CLN5: variants seen among roughly 807,000 people sequenced by gnomAD.
CLN5 encodes the protein bis(monoacylglycero)phosphate synthase CLN5.
CLN5 carries 34 observed loss-of-function variants against 36.7 expected under a neutral mutation model. The ratio of observed to expected loss-of-function variants is 0.93; its 90% CI spans 0.71 to 1.23. The LOEUF is 1.23. Ranked by LOEUF, CLN5 falls within the 50% of genes most tolerant of loss-of-function variation. The probability of loss-of-function intolerance (pLI) is 0.00; values close to 1 mark genes in which losing one functional copy is unlikely to be tolerated. For synonymous variants in CLN5, 151 were observed against 155.1 expected (o/e 0.97, Z 0.20); for missense variants, 427 against 439.4 (o/e 0.97, Z 0.25).
rs1388510424 is a variant in CLN5, at chr13:76,995,796, G to A, written c.340-106G>A. ...AGCATGGAAGAACAGCTGAACAGTTGTTCTACTTGATATGCATTTGTGATG... is the reference window on the plus strand; with the variant it reads ...AGCATGGAAGAACAGCTGAACAGTTATTCTACTTGATATGCATTTGTGATG... On this transcript the variant is annotated intron_variant, in intron 2 of 3. Coordinates refer to ENST00000377453, the MANE Select transcript of CLN5 (RefSeq NM_006493.4). The A allele has an allele frequency of 6.0e-6, 5 of 839,946 alleles. No individual in the cohort carries two copies. In the African/African-American group the frequency reaches 6.7e-5, roughly 11 times the overall value. 52.0% of individuals were successfully genotyped at this position (839,946 alleles called of 1,614,324 possible).
rs1056821005 is a variant in CLN5 at position 77,001,422 on chromosome 13, A to C, written c.*453A>C. The stretch of plus-strand genomic sequence containing the variant: ...TTTAGACTAACTTTACAACTTCTAT[A>C]ACTTTTGGAACCAAGTTTAGTATAG... On this transcript the variant is annotated 3_prime_UTR_variant, in exon 4 of 4. Transcript: ENST00000377453. 2 of 158,468 alleles carry C rather than the reference A, an allele frequency of 1.3e-5. No individual in the cohort carries two copies. Among genetic ancestry groups the C allele is most frequent in the African/African-American group, 4.8e-5 (2 of 41,478 alleles). The allele number at this position is 158,468 out of a possible 1,614,324, so 9.8% of individuals were successfully genotyped here. A position where few individuals can be genotyped will look rare whatever the true frequency, so the allele number is the denominator to read the frequency against.
At position 77,000,483 on chromosome 13, in the gene CLN5, G is replaced by T. The variant is rs1402613512; in HGVS notation, c.591G>T (p.Lys197Asn). 1 of 1,613,156 alleles carries T rather than the reference G, an allele frequency of 6.2e-7. No individual in the cohort carries two copies. Among genetic ancestry groups the T allele is most frequent in the East Asian group, 2.2e-5 (1 of 44,850 alleles). Residue 197 changes from lysine to asparagine, a missense_variant, in exon 4 of 4, where the codon AAG (lysine) becomes AAT (asparagine). Coordinates refer to ENST00000377453, the MANE Select transcript of CLN5 (RefSeq NM_006493.4). ...GAAACATGTTCAACCAAATGGCAAAGTGGGTGAAACAGGACAATGAAACAG... is the reference window on the plus strand; with the variant it reads ...GAAACATGTTCAACCAAATGGCAAATTGGGTGAAACAGGACAATGAAACAG... ...ISGNMFNQMA[K>N]WVKQDNETGI...
In CLN5 at chr13:76,992,202, T is replaced by C. The variant is rs1428678260; in HGVS notation, c.104T>C (p.Leu35Pro). The C allele has an allele frequency of 1.2e-6, 2 of 1,603,146 alleles. No individual in the cohort carries two copies. Among genetic ancestry groups the C allele is most frequent in the Admixed American group, 1.7e-5 (1 of 59,470 alleles). The change falls in exon 1 of 4, where the codon CTC (leucine) becomes CCC (proline). Residue 35 changes from leucine (L) to proline (P), a missense_variant. Physicochemically the swap from Leu to Pro is moderately conservative, Grantham distance 98. Coordinates refer to ENST00000377453, the MANE Select transcript of CLN5 (RefSeq NM_006493.4). ...SWCWALALLW[L>P]AVVPGWSRVS... ...TGCTGGGCCCTGGCGCTGCTTTGGCTCGCGGTGGTTCCGGGCTGGTCCCGG... is the reference window on the plus strand; with the variant it reads ...TGCTGGGCCCTGGCGCTGCTTTGGCCCGCGGTGGTTCCGGGCTGGTCCCGG...
rs766858440 is a variant in CLN5 at position 76,992,190 on chromosome 13, C to A, written c.92C>A (p.Ala31Glu). The change falls in exon 1 of 4, where the codon GCG (alanine) becomes GAG (glutamate). Residue 31 changes from alanine to glutamate, a missense_variant. Coordinates refer to ENST00000377453, the MANE Select transcript of CLN5 (RefSeq NM_006493.4). Reference protein sequence around the residue: ...RGRASWCWALALLWLAVVPGW... With the variant: ...RGRASWCWALELLWLAVVPGW... Reference sequence around the variant, plus strand: ...CGCGCTTCCTGGTGCTGGGCCCTGGCGCTGCTTTGGCTCGCGGTGGTTCCG... The same window carrying A: ...CGCGCTTCCTGGTGCTGGGCCCTGGAGCTGCTTTGGCTCGCGGTGGTTCCG... The A allele has an allele frequency of 4.4e-6, 7 of 1,604,984 alleles. No homozygotes were observed. The highest frequency in any genetic ancestry group is 3.3e-5 in the South Asian group (3 of 90,554).
chr13:76,992,186 C>T lies in CLN5; in HGVS notation c.88C>T (p.Leu30=), dbSNP rs1416644100. The T allele has an allele frequency of 2.5e-6, 4 of 1,605,508 alleles. No individual in the cohort carries two copies. Among genetic ancestry groups the T allele is most frequent in the African/African-American group, 1.3e-5 (1 of 74,844 alleles). The change falls in exon 1 of 4, where the codon CTG becomes TTG. Residue 30 remains leucine (L), a synonymous_variant. Coordinates refer to ENST00000377453, the MANE Select transcript of CLN5 (RefSeq NM_006493.4). ...ARGRASWCWA[L]ALLWLAVVPG... is the part of the protein sequence containing the mutation. ...GGGACGCGCTTCCTGGTGCTGGGCC[C>T]TGGCGCTGCTTTGGCTCGCGGTGGT...
chr13:76,998,803 A>G (rs2034311336), intron 3 of CLN5: 1 of 152,230 alleles, frequency 6.6e-6, no homozygotes. Flanking sequence ...ATTTCCTGCT[A>G]CTTTCTAATC....
In CLN5 at chr13:77,002,426, A is replaced by G. The variant is rs2034379535; in HGVS notation, c.*1457A>G. 2 of 152,254 alleles carry G rather than the reference A, an allele frequency of 1.3e-5. No individual in the cohort carries two copies. The highest frequency in any genetic ancestry group is 2.1e-4 in the South Asian group (1 of 4,832). 9.4% of individuals were successfully genotyped at this position (152,254 alleles called of 1,614,324 possible). ...CCAGATGTTACTGGTCTGTGAGGAA[A>G]TAAGTACAGATACTGACAGGAAGCT... On this transcript the variant is annotated 3_prime_UTR_variant, in exon 4 of 4. Transcript: ENST00000377453.
Position 77,004,937 on chromosome 13 carries a change from G to C in CLN5, c.*3968G>C, listed in dbSNP as rs2034424930. ...CATTTATCTCTAAAAAGACTGGTTG[G>C]GTTCAAGGACCCTTAAAGACTGATT... On this transcript the variant is annotated 3_prime_UTR_variant, in exon 4 of 4. Transcript: ENST00000377453. 1 of 152,010 alleles carries C rather than the reference G, an allele frequency of 6.6e-6. No individual in the cohort carries two copies. Among genetic ancestry groups the C allele is most frequent in the Non-Finnish European group, 1.5e-5 (1 of 67,990 alleles). 9.4% of individuals were successfully genotyped at this position (152,010 alleles called of 1,614,324 possible). A position where few individuals can be genotyped will look rare whatever the true frequency, so the allele number is the denominator to read the frequency against.
chr13:76,995,640 A>G (rs2034252146), intron 2 of CLN5: 4 of 549,062 alleles, frequency 7.3e-6, no homozygotes, highest in Non-Finnish European at 1.3e-5. Flanking sequence ...CTAAGCTCTA[A>G]GGAAATTATC....
rs1487487278 is a variant in CLN5, at chr13:77,001,364, T to G, written c.*395T>G. ...ATGGTGGGAGCTCTTCTTTCTGATA[T>G]GGCAGTTACACTTTTTCACTTAAGT... On this transcript the variant is annotated 3_prime_UTR_variant, in exon 4 of 4. Coordinates refer to ENST00000377453, the MANE Select transcript of CLN5 (RefSeq NM_006493.4). 6.0e-6 allele frequency: 1 copy of G among 166,574 alleles called. No homozygotes were observed. The highest frequency in any genetic ancestry group is 2.4e-5 in the African/African-American group (1 of 41,558). 10.3% of individuals were successfully genotyped at this position (166,574 alleles called of 1,614,324 possible). A position where few individuals can be genotyped will look rare whatever the true frequency, so the allele number is the denominator to read the frequency against.
intron 3 of CLN5, chr13:76,997,356 A>AG (rs201564332): frequency 0.079 from 11,979 of 152,170 alleles, 692 homozygotes; most frequent in African/African-American, 0.15. Context: ...CATGTTGGCC[A>AG]GCTGGTCTCA....
Position 77,001,104 on chromosome 13 carries a change from C to A in CLN5, c.*135C>A. 1 of 731,064 alleles carries A rather than the reference C, an allele frequency of 1.4e-6. No homozygotes were observed. The highest frequency in any genetic ancestry group is 1.8e-5 in the African/African-American group (1 of 56,304). The allele number at this position is 731,064 out of a possible 1,614,324, so 45.3% of individuals were successfully genotyped here. ...AAAATGCACATCAGCAGAATTGCTGCATATTAACATCTCAGGACTCTTCTC... is the reference window on the plus strand; with the variant it reads ...AAAATGCACATCAGCAGAATTGCTGAATATTAACATCTCAGGACTCTTCTC... On this transcript the variant is annotated 3_prime_UTR_variant, in exon 4 of 4. Transcript: ENST00000377453.
intron 3 of CLN5, chr13:76,997,566 G>T (rs2034290181): frequency 6.6e-6 from 1 of 152,230 alleles, no homozygotes; most frequent in African/African-American, 2.4e-5. Flanking sequence ...TCTGTGGGTT[G>T]TCTATTTACT....
In CLN5 at chr13:76,992,234, G is replaced by A. The variant is rs775102823; in HGVS notation, c.136G>A (p.Gly46Ser). 6.3e-7 allele frequency: 1 copy of A among 1,593,732 alleles called. No individual in the cohort carries two copies. Among genetic ancestry groups the A allele is most frequent in the Non-Finnish European group, 8.5e-7 (1 of 1,175,264 alleles). Reference sequence around the variant, plus strand: ...GGTTCCGGGCTGGTCCCGGGTCTCGGGCATCCCCTCCCGGCGCCACTGGCC... The same window carrying A: ...GGTTCCGGGCTGGTCCCGGGTCTCGAGCATCCCCTCCCGGCGCCACTGGCC... ...AVVPGWSRVS[G>S]IPSRRHWPVP... The change falls in exon 1 of 4, where the codon GGC becomes AGC. Residue 46 changes from glycine (G) to serine (S), a missense_variant. Physicochemically the swap from Gly to Ser is moderately conservative, Grantham distance 56. Coordinates refer to ENST00000377453, the MANE Select transcript of CLN5 (RefSeq NM_006493.4).
intron 3 of CLN5, 75 bp from the exon 4 acceptor site, chr13:77,000,383 T>TAAAAAAA: frequency 1.7e-6 from 2 of 1,178,700 alleles, no homozygotes; most frequent in Non-Finnish European, 2.3e-6. Flanking sequence ...AGACCTGTCT[T>TAAAAAAA]AAAAAAAAAA....
intron 1 of CLN5, chr13:76,993,811 A>T (rs929294429): frequency 6.6e-6 from 1 of 152,212 alleles, no homozygotes; most frequent in Non-Finnish European, 1.5e-5. Context: ...AAGTTAAAAT[A>T]GAAATTTTTG....
intron 3 of CLN5, chr13:76,996,716 G>A (rs542791158): frequency 6.5e-6 from 1 of 153,646 alleles, no homozygotes; most frequent in African/African-American, 2.4e-5. Context: ...GGGCATTTGA[G>A]CTGGTTCCAT....
chr13:76,996,086 G>A lies in CLN5; in HGVS notation c.524G>A (p.Trp175Ter), dbSNP rs386833980. ...CFFEGIDDVH[W>*]KENGTLVQVA... Reference sequence around the variant, plus strand: ...TTTGAGGGAATTGATGATGTTCACTGGAAGGAAAATGGGACATTAGTTCAA... The same window carrying A: ...TTTGAGGGAATTGATGATGTTCACTAGAAGGAAAATGGGACATTAGTTCAA... The change falls in exon 3 of 4, where the codon TGG becomes TAG. Residue 175 changes from tryptophan to a stop codon, truncating the protein, a stop_gained. Coordinates refer to ENST00000377453, the MANE Select transcript of CLN5 (RefSeq NM_006493.4). LOFTEE classifies it high-confidence loss of function. 137 of 1,613,986 alleles carry A rather than the reference G, an allele frequency of 8.5e-5. No homozygotes were observed. Among genetic ancestry groups the A allele is most frequent in the Non-Finnish European group, 1.1e-4 (135 of 1,180,014 alleles).
intron 1 of CLN5, chr13:76,994,131 A>G (rs1404097722): frequency 2.6e-5 from 4 of 152,146 alleles, no homozygotes; most frequent in African/African-American, 9.7e-5. Flanking sequence ...GTCCTGTCAG[A>G]TCTGCTACTT....
Sources: allele counts gnomAD v4.1 joint callset, GRCh38; gene constraint gnomAD v4.1.1; transcripts MANE v1.5; gene names NCBI Gene and HGNC (gene_info 2026-07-23, HGNC 2026-07-21).